The following PRKN variants were observed in gnomAD, a reference collection of about 807,000 sequenced individuals.
The protein encoded by PRKN is E3 ubiquitin-protein ligase parkin.
PRKN carries 56 observed loss-of-function variants against 59.5 expected under a neutral mutation model. The observed-to-expected ratio is 0.94, with a 90% confidence interval of 0.76 to 1.18. The LOEUF is 1.18. Ranked by LOEUF, PRKN falls within the 50% of genes most tolerant of loss-of-function variation. PRKN has a pLI of 0.00. For missense variants in PRKN, 657 were observed against 596.4 expected, an observed-to-expected ratio of 1.10 and a Z score of -1.06; for synonymous variants, 250 against 222.1, an observed-to-expected ratio of 1.13 and a Z score of -1.12.
intron 6 of PRKN, among the ~76,000 whole-genome samples, chr6:161,882,189 T>G (rs1323100991): frequency 6.6e-6 from 1 of 152,234 alleles, no homozygotes; most frequent in Non-Finnish European, 1.5e-5. Flanking sequence ...CCTTGAATTA[T>G]GTAAATAACA....
intron 10 of PRKN, among the ~76,000 whole-genome samples, chr6:161,375,525 C>T (rs1785658999): frequency 6.6e-6 from 1 of 152,186 alleles, no homozygotes; most frequent in Admixed American, 6.5e-5. Flanking sequence ...CAAGTTTCAC[C>T]ATTTTGTAAT....
intron 1 of PRKN, among the ~76,000 whole-genome samples, chr6:162,704,247 T>C (rs1261391197): frequency 6.6e-6 from 1 of 152,112 alleles, no homozygotes; most frequent in African/African-American, 2.4e-5. Flanking sequence ...GTAGGCAGAA[T>C]GTGCAGCCTG....
Position 161,904,321 on chromosome 6 carries a change from T to G in PRKN, c.734+68981A>C, listed in dbSNP as rs532894465. On this transcript the variant is annotated intron_variant, in intron 6 of 11. Transcript: ENST00000366898. ...TCGAATTTGTGGGGTTTTTTTTTTT[T>G]TTTTTTTTTTTTGAGACAGAGTCTG... Among the ~76,000 whole-genome samples, 83 of 139,214 alleles carry G rather than the reference T, an allele frequency of 6.0e-4. 1 individual carries two copies. In the East Asian group the frequency reaches 0.011, roughly 19 times the overall value. 91.3% of individuals were successfully genotyped at this position (139,214 alleles called of 152,430 possible).
At position 162,246,141 on chromosome 6, in the gene PRKN, G is replaced by A. The variant is rs140962747; in HGVS notation, c.412+16384C>T. On this transcript the variant is annotated intron_variant, in intron 3 of 11. Transcript: ENST00000366898. ...CCCTGCTTGTTGCAGGCTGAATTAC[G>A]TCAAAATTCCTATGTTGAAGCTCTA... Among the ~76,000 whole-genome samples, 154 of 152,138 alleles carry A rather than the reference G, an allele frequency of 1.0e-3. 1 individual carries two copies. The highest frequency in any genetic ancestry group is 3.5e-3 in the African/African-American group (144 of 41,508).
In PRKN at chr6:161,369,151, G is replaced by A. The variant is rs78408286; in HGVS notation, c.1168-8946C>T. ...TTTCTACCAGGAGGAGCACATCTTT[G>A]CTTTGCATCCTTCATGAGTGTCTTA... On this transcript the variant is annotated intron_variant, in intron 10 of 11. Coordinates refer to ENST00000366898, the MANE Select transcript of PRKN (RefSeq NM_004562.3). This position sits in a 1 kb window ranked among gnomAD's most constrained non-coding sequence, Gnocchi z 5.8. Among the ~76,000 whole-genome samples the A allele has an allele frequency of 3.0e-4, 46 of 152,286 alleles. No homozygotes were observed. In the East Asian group the frequency reaches 8.9e-3, roughly 30 times the overall value.
intron 1 of PRKN, among the ~76,000 whole-genome samples, chr6:162,665,148 C>T (rs1779049067): frequency 6.6e-6 from 1 of 152,096 alleles, no homozygotes; most frequent in African/African-American, 2.4e-5. Context: ...CCTCTCACCA[C>T]TCCTATTCAA....
intron 7 of PRKN, among the ~76,000 whole-genome samples, chr6:161,615,262 C>T (rs181137395): frequency 8.5e-5 from 13 of 152,214 alleles, no homozygotes; most frequent in Admixed American, 3.3e-4. Flanking sequence ...TGCCCCCTAA[C>T]CCTCCCTTCA....
chr6:161,613,566 G>A (rs1471593927), intron 7 of PRKN, among the ~76,000 whole-genome samples: 1 of 152,118 alleles, frequency 6.6e-6, no homozygotes, highest in African/African-American at 2.4e-5. Context: ...ATGCTACAGA[G>A]ACATCTTTCA....
At chr6:161,922,302 C>T (rs1778813740) in intron 6 of PRKN, among the ~76,000 whole-genome samples, 1 of 152,096 alleles carries the variant, frequency 6.6e-6, no homozygotes, top group African/African-American at 2.4e-5. Flanking sequence ...AAAATATTTT[C>T]CTGACCCCTC....
intron 7 of PRKN, among the ~76,000 whole-genome samples, chr6:161,711,087 C>T (rs979181135): frequency 1.3e-5 from 2 of 151,974 alleles, no homozygotes; most frequent in Admixed American, 6.6e-5. Flanking sequence ...AAAAACCTAT[C>T]TTTTCAGACA....
intron 7 of PRKN, among the ~76,000 whole-genome samples, chr6:161,660,443 A>C (rs922948351): frequency 4.6e-5 from 7 of 152,218 alleles, no homozygotes; most frequent in Non-Finnish European, 1.0e-4. Flanking sequence ...TTCAAAGGAA[A>C]AAACAGGGAT....
At chr6:162,405,079 C>T (rs565939670) in intron 2 of PRKN, among the ~76,000 whole-genome samples, 1 of 152,238 alleles carries the variant, frequency 6.6e-6, no homozygotes, top group Admixed American at 6.5e-5. Flanking sequence ...CAATATGCCC[C>T]GCTCAGAGGT....
intron 3 of PRKN, among the ~76,000 whole-genome samples, chr6:162,213,292 G>C (rs1777477239): frequency 6.6e-6 from 1 of 152,138 alleles, no homozygotes; most frequent in Non-Finnish European, 1.5e-5. Context: ...CTAGTAGTTT[G>C]TGAGAAAATA....
At chr6:162,181,881 C>A (rs1783817913) in intron 4 of PRKN, among the ~76,000 whole-genome samples, 1 of 152,102 alleles carries the variant, frequency 6.6e-6, no homozygotes, top group Non-Finnish European at 1.5e-5. Context: ...AAGGATCTTG[C>A]CAAAGGTCAC....
chr6:161,636,120 A>T (rs573413967), intron 7 of PRKN, among the ~76,000 whole-genome samples: 1 of 152,302 alleles, frequency 6.6e-6, no homozygotes, highest in South Asian at 2.1e-4. Context: ...GGCAGCACAG[A>T]GCTAGAGACA....
chr6:162,676,186 A>G (rs1490652530), intron 1 of PRKN, among the ~76,000 whole-genome samples: 1 of 152,172 alleles, frequency 6.6e-6, no homozygotes, highest in African/African-American at 2.4e-5. Context: ...TGTGGATTCT[A>G]GTGAATGTTT....
At chr6:161,986,744 TG>T (rs1366495285) in intron 5 of PRKN, among the ~76,000 whole-genome samples, 4 of 150,918 alleles carry the variant, frequency 2.7e-5, no homozygotes, top group Non-Finnish European at 2.9e-5. Flanking sequence ...GCTGTTTATT[TG>T]GAAAATCCCC....
At chr6:161,985,567 T>A (rs1781405219) in intron 5 of PRKN, among the ~76,000 whole-genome samples, 2 of 152,216 alleles carry the variant, frequency 1.3e-5, no homozygotes, top group Admixed American at 1.3e-4. Flanking sequence ...ACTATATTCC[T>A]AACATTTTCT....
chr6:162,339,133 C>G (rs1415607329), intron 2 of PRKN, among the ~76,000 whole-genome samples: 8 of 147,400 alleles, frequency 5.4e-5, no homozygotes, highest in African/African-American at 2.0e-4. Flanking sequence ...CCCCTCCGCC[C>G]GGCAGCCGCC....
Sources: allele counts gnomAD v4.1 joint callset (sites outside exome capture counted in the v4.1 genomes callset), GRCh38; gene constraint gnomAD v4.1.1; non-coding constraint Gnocchi (gnomAD v3.1); transcripts MANE v1.5; gene names NCBI Gene and HGNC (gene_info 2026-07-23, HGNC 2026-07-21).